CHID1: variants seen among roughly 807,000 people sequenced by gnomAD.
CHID1 encodes the protein chitinase domain-containing protein 1.
CHID1 carries 44 observed loss-of-function variants against 55.4 expected under a neutral mutation model. The observed-to-expected ratio is 0.79, with a 90% CI of 0.62 to 1.02. The LOEUF (loss-of-function observed/expected upper bound fraction) is 1.02. Ranked by LOEUF, CHID1 falls within the 50% of genes least tolerant of loss-of-function variation. The probability of loss-of-function intolerance (pLI) is 0.00; values close to 1 mark genes in which losing one functional copy is unlikely to be tolerated. For missense variants in CHID1, 491 were observed against 515.3 expected, an observed-to-expected ratio of 0.95 and a Z score of 0.46; for synonymous variants, 216 against 212.9, an observed-to-expected ratio of 1.01 and a Z score of -0.13.
upstream of CHID1, chr11:910,994 G>T (rs1852648521): frequency 5.8e-6 from 1 of 173,290 alleles, no homozygotes; most frequent in African/African-American, 2.4e-5. Flanking sequence ...CGGACCCCGG[G>T]CCCGGCGCGT....
Position 869,627 on chromosome 11 carries a change from G to A in CHID1, c.*231C>T, listed in dbSNP as rs1228512857. 3.4e-6 allele frequency: 2 copies of A among 584,268 alleles called. No individual in the cohort carries two copies. The highest frequency in any genetic ancestry group is 2.8e-5 in the East Asian group (1 of 35,190). 36.2% of individuals were successfully genotyped at this position (584,268 alleles called of 1,614,324 possible). A position where few individuals can be genotyped will look rare whatever the true frequency, so the allele number is the denominator to read the frequency against. On this transcript the variant is annotated 3_prime_UTR_variant, in exon 13 of 13. Coordinates refer to ENST00000323578, the MANE Select transcript of CHID1 (RefSeq NM_023947.4). ...GCCCAGCTGACAGGAGGCAGCCAGC[G>A]GATGCCCGGGTGGGAGGGGCTCGAG...
At position 883,258 on chromosome 11, in the gene CHID1, C is replaced by G. The variant is rs1850139620; in HGVS notation, c.849G>C (p.Gln283His). ...GCCACTTGGACTTCGGGTCCAGGAC[C>G]TGGACGCAGGCTCGAACCCAGGACA... ...APLSWVRACV[Q>H]VLDPKSKWRS... The change falls in exon 10 of 13, where the codon CAG becomes CAC. Residue 283 changes from glutamine to histidine, a missense_variant. By Grantham distance (24) the Gln-to-His change is conservative. Transcript: ENST00000323578. 1.2e-6 allele frequency: 2 copies of G among 1,614,140 alleles called. No homozygotes were observed. The highest frequency in any genetic ancestry group is 1.7e-5 in the Admixed American group (1 of 60,016).
chr11:910,935 AGTCGGGGCCGGG>A (rs1328507394), upstream of CHID1: 7 of 644,526 alleles, frequency 1.1e-5, no homozygotes, highest in Non-Finnish European at 1.3e-5. Context: ...GCTGCCCGAA[AGTCGGGGCCGGG>A]GCCGGGGCCG....
In CHID1 at chr11:903,029, C is replaced by T. The variant is rs754950202; in HGVS notation, c.194G>A (p.Arg65His). The T allele has an allele frequency of 9.3e-6, 15 of 1,613,866 alleles. No individual in the cohort carries two copies. Among genetic ancestry groups the T allele is most frequent in the Admixed American group, 6.7e-5 (4 of 60,010 alleles). The part of the protein sequence containing the change: ...LKAESVVLEH[R>H]SYCSAKARDR... ...CCGGGCCTTTGCCGAGCAGTAGCTGCGATGCTCAAGAACCACACTCTCAGC... is the reference window on the plus strand; with the variant it reads ...CCGGGCCTTTGCCGAGCAGTAGCTGTGATGCTCAAGAACCACACTCTCAGC... Residue 65 changes from arginine (R) to histidine (H), a missense_variant, in exon 3 of 13, where the codon CGC (arginine) becomes CAC (histidine). Physicochemically the swap from Arg to His is conservative, Grantham distance 29. Transcript: ENST00000323578.
chr11:896,244 C>A, intron 7 of CHID1, among the ~76,000 whole-genome samples: 1 of 143,514 alleles, frequency 7.0e-6, no homozygotes, highest in African/African-American at 2.8e-5. Flanking sequence ...GGGCCCCCAG[C>A]CTCCACCCCA....
At chr11:905,625 A>G (rs529832065) in intron 1 of CHID1, among the ~76,000 whole-genome samples, 24 of 152,056 alleles carry the variant, frequency 1.6e-4, no homozygotes, top group African/African-American at 5.8e-4. Context: ...AGCCAAGATC[A>G]TGCCACTGCA....
chr11:912,624 C>G (rs1201414951), upstream of CHID1, among the ~76,000 whole-genome samples: 1 of 152,068 alleles, frequency 6.6e-6, no homozygotes, highest in Non-Finnish European at 1.5e-5. Context: ...GCGGGCGGAT[C>G]ACAAGGTCAG....
chr11:913,663 C>G (rs773629848), upstream of CHID1, among the ~76,000 whole-genome samples: 8 of 151,696 alleles, frequency 5.3e-5, no homozygotes, highest in Non-Finnish European at 1.0e-4. Flanking sequence ...GTCCCAGCTA[C>G]TTGGGATGCT....
At chr11:902,486 TCTC>T (rs1244552932) in intron 3 of CHID1, among the ~76,000 whole-genome samples, 156 bp from the exon 4 acceptor site, 6 of 152,092 alleles carry the variant, frequency 3.9e-5, no homozygotes, top group African/African-American at 1.2e-4. Flanking sequence ...GGGGTATCCT[TCTC>T]CTACTCTGGA....
At position 904,839 on chromosome 11, in the gene CHID1, C is replaced by T. The variant is rs1852091830; in HGVS notation, c.-23G>A. Reference sequence around the variant, plus strand: ...CATGGTAGGTGTGTCACAGTAGGGTCCAACCTCGGGGTCCAGAGGGCTGCA... The same window carrying T: ...CATGGTAGGTGTGTCACAGTAGGGTTCAACCTCGGGGTCCAGAGGGCTGCA... On this transcript the variant is annotated 5_prime_UTR_variant, in exon 2 of 13. The change creates a premature stop within an existing upstream ORF in the 5' untranslated region. Coordinates refer to ENST00000323578, the MANE Select transcript of CHID1 (RefSeq NM_023947.4). The T allele has an allele frequency of 6.2e-7, 1 of 1,613,438 alleles. No homozygotes were observed. Among genetic ancestry groups the T allele is most frequent in the South Asian group, 1.1e-5 (1 of 91,072 alleles).
At chr11:897,591 C>G (rs569167649) in intron 7 of CHID1, among the ~76,000 whole-genome samples, 2 of 152,354 alleles carry the variant, frequency 1.3e-5, no homozygotes, top group South Asian at 2.1e-4. Flanking sequence ...TCCGGCAAAG[C>G]TGGGGCCCCT....
At chr11:890,454 C>A (rs752329762) in intron 8 of CHID1, among the ~76,000 whole-genome samples, 3 of 152,222 alleles carry the variant, frequency 2.0e-5, no homozygotes, top group Non-Finnish European at 4.4e-5. Context: ...TGGCCAGGGT[C>A]GCGGCCCCGC....
intron 8 of CHID1, among the ~76,000 whole-genome samples, chr11:885,414 T>G (rs1850316135): frequency 6.6e-6 from 1 of 152,048 alleles, no homozygotes; most frequent in Admixed American, 6.6e-5. Context: ...GGCCCCAGAG[T>G]CTGTCCACCC....
upstream of CHID1, chr11:910,933 A>T (rs545260330): frequency 2.6e-5 from 18 of 681,184 alleles, no homozygotes; most frequent in East Asian, 1.9e-3. Flanking sequence ...GGGCTGCCCG[A>T]AAGTCGGGGC....
chr11:893,274 CAG>C (rs1162905540), intron 8 of CHID1, among the ~76,000 whole-genome samples, 151 bp downstream of exon 8: 3 of 152,222 alleles, frequency 2.0e-5, no homozygotes, highest in Non-Finnish European at 2.9e-5. Flanking sequence ...CACAGGGGCA[CAG>C]AGTGTGTGGC....
intron 8 of CHID1, among the ~76,000 whole-genome samples, chr11:886,006 G>C (rs577261021): frequency 1.5e-4 from 23 of 152,148 alleles, no homozygotes; most frequent in African/African-American, 5.5e-4. Context: ...AAAATTAGCC[G>C]GGCGTGGTGG....
chr11:896,889 G>C (rs1851357093), intron 7 of CHID1, among the ~76,000 whole-genome samples: 1 of 99,792 alleles, frequency 1.0e-5, no homozygotes, highest in Admixed American at 1.0e-4. Context: ...ACACGAGCCT[G>C]TCTCAGCACC....
At chr11:910,497 C>T (rs950967923) in intron 1 of CHID1, 2 of 743,246 alleles carry the variant, frequency 2.7e-6, no homozygotes, top group East Asian at 1.3e-4. Flanking sequence ...ACCTCCCACT[C>T]GCGGTCCCCC....
chr11:870,125 A>G lies in CHID1; in HGVS notation c.1079T>C (p.Leu360Pro). Reference protein sequence around the residue: ...SGRHVVFYPTLKSLQVRLELA... With the variant: ...SGRHVVFYPTPKSLQVRLELA... ...CACGGCTGGCAGCACACGCACCTTC[A>G]GGGTTGGGTAGAAGACGACGTGCCT... is the stretch of plus-strand genomic sequence containing the variant. Residue 360 changes from leucine to proline, a missense_variant, in exon 12 of 13, where the codon CTG (leucine) becomes CCG (proline). Transcript: ENST00000323578. The G allele has an allele frequency of 6.2e-7, 1 of 1,612,902 alleles. No individual in the cohort carries two copies. Among genetic ancestry groups the G allele is most frequent in the Non-Finnish European group, 8.5e-7 (1 of 1,179,920 alleles).
Sources: allele counts gnomAD v4.1 joint callset (sites outside exome capture counted in the v4.1 genomes callset), GRCh38; gene constraint gnomAD v4.1.1; transcripts MANE v1.5; gene names NCBI Gene and HGNC (gene_info 2026-07-23, HGNC 2026-07-21).